AEBP2: variants seen among roughly 807,000 people sequenced by gnomAD.
The protein encoded by AEBP2 is zinc finger protein AEBP2.
Under a neutral mutation model 50.8 loss-of-function variants are expected in AEBP2, and 10 were observed. That is an observed-to-expected ratio of 0.20 (90% CI 0.12 to 0.33). The LOEUF (loss-of-function observed/expected upper bound fraction) is 0.33. Ranked by LOEUF, AEBP2 falls within the 10% of genes least tolerant of loss-of-function variation. AEBP2 has a pLI of 1.00. For missense variants in AEBP2, 570 were observed against 688.0 expected, an observed-to-expected ratio of 0.83 and a Z score of 1.92; for synonymous variants, 296 against 261.3, an observed-to-expected ratio of 1.13 and a Z score of -1.28.
rs986264949 is a variant in AEBP2 at position 19,408,996 on chromosome 12, T to C, written c.-17+4780T>C. 2.1e-4 allele frequency among the ~76,000 whole-genome samples: 32 copies of C among 152,114 alleles called. 1 individual carries two copies. The highest frequency in any genetic ancestry group is 1.0e-4 in the Non-Finnish European group (7 of 68,024). On this transcript the variant is annotated intron_variant, in intron 1 of 3. Transcript: ENST00000538425. ...TGTTTCTTTTCCGGAAGATATATTT[T>C]ATGTAAATATAAGCAAACACATATC...
intron 1 of AEBP2, among the ~76,000 whole-genome samples, chr12:19,428,813 CA>C (rs549687367): frequency 1.1e-3 from 153 of 134,294 alleles, no homozygotes; most frequent in Admixed American, 1.4e-3. Context: ...AACTCCATCT[CA>C]AAAAAAAAAA....
Position 19,445,681 on chromosome 12 carries a change from A to G in AEBP2, c.671+5311A>G, listed in dbSNP as rs772400581. ...TGGAATGCCCAAAAGTACTGTATCA[A>G]TCAGGTGTTAGATGTATGACAAGAG... On this transcript the variant is annotated intron_variant, in intron 1 of 7. Transcript: ENST00000266508. Among the ~76,000 whole-genome samples, 7 of 152,240 alleles carry G rather than the reference A, an allele frequency of 4.6e-5. No homozygotes were observed. The South Asian group carries it at 1.0e-3, about 23-fold the overall frequency.
chr12:19,466,030 G>C (rs1043072581), intron 2 of AEBP2, among the ~76,000 whole-genome samples: 3 of 151,864 alleles, frequency 2.0e-5, no homozygotes, highest in Admixed American at 6.6e-5. Flanking sequence ...GATCTCAGGA[G>C]TTCCTGAGGA....
At chr12:19,457,700 A>C in intron 1 of AEBP2, 4 of 1,129,404 alleles carry the variant, frequency 3.5e-6, no homozygotes, top group South Asian at 2.6e-5. Context: ...CGGCAAACCC[A>C]TTGTGAAAAG....
intron 6 of AEBP2, among the ~76,000 whole-genome samples, chr12:19,514,386 G>A (rs1327720819): frequency 6.6e-6 from 1 of 152,164 alleles, no homozygotes; most frequent in Non-Finnish European, 1.5e-5. Flanking sequence ...TGAGTTAAAA[G>A]CTAGCCAGTG....
At position 19,412,446 on chromosome 12, in the gene AEBP2, T is replaced by A. The variant is rs532985876; in HGVS notation, c.-17+8230T>A. On this transcript the variant is annotated intron_variant, in intron 1 of 3. Transcript: ENST00000538425. ...GCACACGCCACCACACCTAGCGAATTTTTTTGTATTTTTAGTAGAGAAGGG... is the reference window on the plus strand; with the variant it reads ...GCACACGCCACCACACCTAGCGAATATTTTTGTATTTTTAGTAGAGAAGGG... Among the ~76,000 whole-genome samples the A allele has an allele frequency of 2.8e-4, 42 of 151,692 alleles. 2 individuals are homozygous for A. In the South Asian group the frequency reaches 7.8e-3, roughly 28 times the overall value.
intron 5 of AEBP2, among the ~76,000 whole-genome samples, chr12:19,503,331 G>A (rs111470242): frequency 5.8e-5 from 8 of 139,034 alleles, no homozygotes; most frequent in Non-Finnish European, 9.8e-5. Flanking sequence ...ATTCCTTGGT[G>A]TGTGTGTGTG....
Position 19,462,405 on chromosome 12 carries a change from A to G in AEBP2, c.672-105A>G, listed in dbSNP as rs1948395357. ...AGAATATGGTTACTATGCTTTGTTCACATGGAGCAGAATGTCAAGTGGTAA... is the reference window on the plus strand; with the variant it reads ...AGAATATGGTTACTATGCTTTGTTCGCATGGAGCAGAATGTCAAGTGGTAA... On this transcript the variant is annotated intron_variant, in intron 1 of 7. Coordinates refer to ENST00000266508, the MANE Select transcript of AEBP2 (RefSeq NM_153207.5). 2.5e-5 allele frequency: 23 copies of G among 932,908 alleles called. No individual in the cohort carries two copies. In the South Asian group the frequency reaches 3.7e-4, roughly 15 times the overall value. The allele number at this position is 932,908 out of a possible 1,614,324, so 57.8% of individuals were successfully genotyped here. A position where few individuals can be genotyped will look rare whatever the true frequency, so the allele number is the denominator to read the frequency against.
intron 1 of AEBP2, chr12:19,457,200 C>G (rs1948284367): frequency 1.3e-6 from 2 of 1,597,924 alleles, no homozygotes; most frequent in South Asian, 1.1e-5. Context: ...TTAGTTGTTT[C>G]ACACCCAGTG....
intron 3 of AEBP2, among the ~76,000 whole-genome samples, chr12:19,481,487 TG>T (rs1379458203): frequency 6.6e-6 from 1 of 151,756 alleles, no homozygotes; most frequent in East Asian, 1.9e-4. Context: ...TTTTTTTTTT[TG>T]TGAGGCAGAG....
At chr12:19,494,590 G>A (rs11044612) in intron 4 of AEBP2, among the ~76,000 whole-genome samples, 3,226 of 149,898 alleles carry the variant, frequency 0.022, 39 homozygotes, top group East Asian at 0.043. Context: ...TGTGTTGGAC[G>A]GGCTGGTCTC....
At chr12:19,465,882 C>T (rs529099770) in intron 2 of AEBP2, among the ~76,000 whole-genome samples, 4 of 151,056 alleles carry the variant, frequency 2.6e-5, no homozygotes, top group African/African-American at 7.3e-5. Context: ...GCCTCCGTCT[C>T]CTGGGTTCAA....
intron 1 of AEBP2, among the ~76,000 whole-genome samples, chr12:19,430,951 A>C (rs2095751101): frequency 6.6e-6 from 1 of 150,468 alleles, no homozygotes; most frequent in African/African-American, 2.5e-5. Flanking sequence ...TGAGCCCCAG[A>C]GGTTGAGGTT....
At chr12:19,420,251 A>T (rs1256080794) in intron 1 of AEBP2, among the ~76,000 whole-genome samples, 1 of 149,100 alleles carries the variant, frequency 6.7e-6, no homozygotes, top group Admixed American at 6.7e-5. Context: ...CTGGTCTCGA[A>T]CTCCTGACCT....
chr12:19,404,744 G>C (rs2095735220), intron 1 of AEBP2, among the ~76,000 whole-genome samples: 1 of 152,078 alleles, frequency 6.6e-6, no homozygotes, highest in African/African-American at 2.4e-5. Flanking sequence ...GGCTCCTCAG[G>C]AAGAAATTTA....
At chr12:19,504,163 A>G (rs1949122155) in intron 5 of AEBP2, among the ~76,000 whole-genome samples, 1 of 151,578 alleles carries the variant, frequency 6.6e-6, no homozygotes, top group African/African-American at 2.4e-5. Context: ...GTTGTCCCCT[A>G]ACTTGAATTT....
At chr12:19,496,624 A>G (rs143840160) in intron 4 of AEBP2, among the ~76,000 whole-genome samples, 148 of 151,766 alleles carry the variant, frequency 9.8e-4, no homozygotes, top group African/African-American at 3.4e-3. Context: ...ACTGCAGCAA[A>G]TGTAATTTTC....
upstream of AEBP2, among the ~76,000 whole-genome samples, chr12:19,437,739 C>T (rs765429518): frequency 4.6e-5 from 7 of 152,318 alleles, no homozygotes; most frequent in South Asian, 1.0e-3. Context: ...GAAGTTAATA[C>T]CTTACATTGT....
chr12:19,517,405 A>G (rs1333448581), intron 7 of AEBP2, among the ~76,000 whole-genome samples: 1 of 152,226 alleles, frequency 6.6e-6, no homozygotes, highest in South Asian at 2.1e-4. Flanking sequence ...CTGCATATCA[A>G]AGCTATTTAG....
Sources: gnomAD v4.1 joint callset for allele counts (sites outside exome capture counted in the v4.1 genomes callset) on GRCh38, gnomAD v4.1.1 for gene constraint, MANE v1.5 for transcripts, NCBI Gene and HGNC (gene_info 2026-07-23, HGNC 2026-07-21) for gene names.